SHROOM3: variants seen among roughly 807,000 people sequenced by gnomAD.
SHROOM3 encodes protein Shroom3.
Under a neutral mutation model 138.6 loss-of-function variants are expected in SHROOM3, and 47 were observed. The ratio of observed to expected loss-of-function variants is 0.34; its 90% CI spans 0.27 to 0.43. The LOEUF is 0.43. Ranked by LOEUF, SHROOM3 falls within the 20% of genes least tolerant of loss-of-function variation. SHROOM3 has a pLI of 1.00. For missense variants in SHROOM3, 2,491 were observed against 2,596.5 expected (o/e 0.96, Z 0.88); for synonymous variants, 1,062 against 1,063.3 (o/e 1.00, Z 0.02).
At chr4:76,563,417 C>T (rs1272201381) in intron 2 of SHROOM3, among the ~76,000 whole-genome samples, 2 of 152,180 alleles carry the variant, frequency 1.3e-5, no homozygotes, top group Non-Finnish European at 1.5e-5. Context: ...CTCTGGCGAA[C>T]GTAAGTTGAA....
At chr4:76,609,561 G>A (rs1734718972) in intron 2 of SHROOM3, among the ~76,000 whole-genome samples, 1 of 152,150 alleles carries the variant, frequency 6.6e-6, no homozygotes, top group South Asian at 2.1e-4. Context: ...GTGAGCCATT[G>A]CAACTGGCCC....
At position 76,740,917 on chromosome 4, in the gene SHROOM3, T is replaced by G. The variant is rs1303219016; in HGVS notation, c.2744T>G (p.Leu915Arg). 2 of 1,499,046 alleles carry G rather than the reference T, an allele frequency of 1.3e-6. No individual in the cohort carries two copies. Among genetic ancestry groups the G allele is most frequent in the Non-Finnish European group, 1.8e-6 (2 of 1,128,430 alleles). 92.9% of individuals were successfully genotyped at this position (1,499,046 alleles called of 1,614,324 possible). A position where few individuals can be genotyped will look rare whatever the true frequency, so the allele number is the denominator to read the frequency against. The change falls in exon 5 of 11, where the codon CTG becomes CGG. Residue 915 changes from leucine to arginine, a missense_variant. By Grantham distance (102) the Leu-to-Arg change is moderately radical. Transcript: ENST00000296043. The surrounding 1 kb of genome is among the most constrained non-coding windows in gnomAD (Gnocchi z 4.0). ...RDRPGSPESP[L>R]LDAPFSRAYR... ...AGGCCCGGCTCGCCCGAATCGCCCCTGCTGGATGCCCCCTTCAGCCGCGCC... is the reference window on the plus strand; with the variant it reads ...AGGCCCGGCTCGCCCGAATCGCCCCGGCTGGATGCCCCCTTCAGCCGCGCC...
intron 2 of SHROOM3, chr4:76,628,900 G>C (rs1050625061): frequency 6.6e-6 from 1 of 152,054 alleles, no homozygotes; most frequent in African/African-American, 2.4e-5. Context: ...GAATGCAGTG[G>C]TGCGATCTTG....
chr4:76,460,346 G>A (rs1401496108), intron 1 of SHROOM3, among the ~76,000 whole-genome samples: 1 of 152,160 alleles, frequency 6.6e-6, no homozygotes, highest in East Asian at 1.9e-4. Context: ...AGAGCCAGAT[G>A]CACAAACACA....
chr4:76,590,780 TAGTC>T (rs773728195), intron 2 of SHROOM3, among the ~76,000 whole-genome samples: 12 of 151,548 alleles, frequency 7.9e-5, no homozygotes, highest in Admixed American at 2.0e-4. Flanking sequence ...GTGGAGAAAA[TAGTC>T]AGCAAAAATA....
At chr4:76,487,203 G>C (rs1402332115) in intron 1 of SHROOM3, among the ~76,000 whole-genome samples, 2 of 152,130 alleles carry the variant, frequency 1.3e-5, no homozygotes, top group Non-Finnish European at 2.9e-5. Flanking sequence ...GTGGCTTTTG[G>C]TGGCAAGTTT....
chr4:76,726,632 C>A (rs1036414558), intron 3 of SHROOM3, among the ~76,000 whole-genome samples: 27 of 151,216 alleles, frequency 1.8e-4, no homozygotes, highest in Non-Finnish European at 4.0e-4. Context: ...CAGCTTCAAA[C>A]TCCTGGGTTC....
chr4:76,728,705 C>A (rs1023941547), intron 3 of SHROOM3, among the ~76,000 whole-genome samples: 4 of 152,176 alleles, frequency 2.6e-5, no homozygotes, highest in African/African-American at 9.7e-5. Flanking sequence ...TTATAGTTTC[C>A]AGGTGGGTGA....
rs943458883 is a variant in SHROOM3 at position 76,631,364 on chromosome 4, C to T, written c.323+75601C>T. Among the ~76,000 whole-genome samples, 202 of 151,808 alleles carry T rather than the reference C, an allele frequency of 1.3e-3. 1 individual carries two copies. Among genetic ancestry groups the T allele is most frequent in the Admixed American group, 0.012 (178 of 15,228 alleles). On this transcript the variant is annotated intron_variant, in intron 2 of 10. Coordinates refer to ENST00000296043, the MANE Select transcript of SHROOM3 (RefSeq NM_020859.4). ...CTGAGATTACAGGTGCCTGCCACCA[C>T]GCCCAGCTAATTTTTTGTATTTTTT...
intron 1 of SHROOM3, among the ~76,000 whole-genome samples, chr4:76,520,510 G>A (rs532412079): frequency 2.6e-5 from 4 of 152,278 alleles, no homozygotes; most frequent in Admixed American, 1.3e-4. Context: ...GCCCAGAAAG[G>A]TTGCATAATG....
At chr4:76,732,805 A>C (rs1334530236) in intron 4 of SHROOM3, among the ~76,000 whole-genome samples, 1 of 152,222 alleles carries the variant, frequency 6.6e-6, no homozygotes, top group Non-Finnish European at 1.5e-5. Context: ...AAGCTTGAGC[A>C]AATCATTTAA....
chr4:76,518,924 GAAC>G (rs1732504812), intron 1 of SHROOM3, among the ~76,000 whole-genome samples: 1 of 152,136 alleles, frequency 6.6e-6, no homozygotes, highest in Non-Finnish European at 1.5e-5. Context: ...ACTGGAAGTG[GAAC>G]AAGAATGGAG....
At chr4:76,652,978 A>C (rs1163988283) in intron 2 of SHROOM3, among the ~76,000 whole-genome samples, 1 of 152,044 alleles carries the variant, frequency 6.6e-6, no homozygotes, top group East Asian at 1.9e-4. Flanking sequence ...AAGAGATGGG[A>C]GGAGAGGGCC....
intron 1 of SHROOM3, among the ~76,000 whole-genome samples, chr4:76,503,794 G>C (rs1351553505): frequency 2.0e-5 from 3 of 152,200 alleles, no homozygotes; most frequent in Admixed American, 6.5e-5. Flanking sequence ...AAGTATATCT[G>C]TGGAAGGCAT....
At chr4:76,669,392 A>T (rs1718811109) in intron 2 of SHROOM3, among the ~76,000 whole-genome samples, 2 of 152,140 alleles carry the variant, frequency 1.3e-5, no homozygotes, top group Admixed American at 1.3e-4. Flanking sequence ...AGGCCGAGGC[A>T]GGCAGATCAC....
At chr4:76,470,066 A>G (rs933931756) in intron 1 of SHROOM3, among the ~76,000 whole-genome samples, 4 of 152,330 alleles carry the variant, frequency 2.6e-5, no homozygotes, top group Middle Eastern at 3.4e-3. Context: ...TATATGCCCA[A>G]GCTTAATGCT....
At position 76,749,112 on chromosome 4, in the gene SHROOM3, G is replaced by T. The variant is rs551116143; in HGVS notation, c.3827+22G>T. 12 of 1,601,632 alleles carry T rather than the reference G, an allele frequency of 7.5e-6. No homozygotes were observed. In the South Asian group the frequency reaches 1.2e-4, roughly 16 times the overall value. ...CTAGGTATGTACATGTACTTATGAT[G>T]CTCTCTGCATATGAATGCTGCTGGT... is the stretch of plus-strand genomic sequence containing the variant. On this transcript the variant is annotated intron_variant, in intron 6 of 10. Coordinates refer to ENST00000296043, the MANE Select transcript of SHROOM3 (RefSeq NM_020859.4).
At chr4:76,506,561 C>G (rs1732216189) in intron 1 of SHROOM3, among the ~76,000 whole-genome samples, 1 of 152,000 alleles carries the variant, frequency 6.6e-6, no homozygotes, top group African/African-American at 2.4e-5. Context: ...ATAGTGGGCT[C>G]TCAATAATGT....
intron 1 of SHROOM3, among the ~76,000 whole-genome samples, chr4:76,445,621 AG>A (rs1228783627): frequency 6.6e-6 from 1 of 152,186 alleles, no homozygotes; most frequent in African/African-American, 2.4e-5. Context: ...GCGAGAGAGT[AG>A]TATGAGAAAT....
Sources: allele counts gnomAD v4.1 joint callset (sites outside exome capture counted in the v4.1 genomes callset), GRCh38; gene constraint gnomAD v4.1.1; non-coding constraint Gnocchi (gnomAD v3.1); transcripts MANE v1.5; gene names NCBI Gene and HGNC (gene_info 2026-07-23, HGNC 2026-07-21).